The following PRKD1 variants were observed in gnomAD, a reference collection of about 807,000 sequenced individuals.
PRKD1 encodes serine/threonine-protein kinase D1.
PRKD1 carries 63 observed loss-of-function variants against 95.9 expected under a neutral mutation model. That is an observed-to-expected ratio of 0.66 (90% CI 0.54 to 0.81). The LOEUF (loss-of-function observed/expected upper bound fraction) is 0.81, where lower values mean the gene tolerates loss of function less well. Among genes scored for constraint, PRKD1 ranks in the 30% least tolerant of loss-of-function variants. PRKD1 has a pLI of 0.00. For missense variants in PRKD1, 1,048 were observed against 1,165.3 expected (o/e 0.90, Z 1.47); for synonymous variants, 425 against 423.1 (o/e 1.00, Z -0.05).
At chr14:29,875,655 T>G (rs1449616821) in intron 1 of PRKD1, among the ~76,000 whole-genome samples, 1 of 152,236 alleles carries the variant, frequency 6.6e-6, no homozygotes, top group Non-Finnish European at 1.5e-5. Flanking sequence ...CAATTTAGGT[T>G]TATTTTATTT....
At chr14:29,705,090 C>A (rs971366362) in intron 2 of PRKD1, among the ~76,000 whole-genome samples, 3 of 152,076 alleles carry the variant, frequency 2.0e-5, no homozygotes, top group African/African-American at 7.2e-5. Flanking sequence ...GGTACTATAG[C>A]CAAATCCTTT....
At chr14:29,690,659 G>A (rs548022913) in intron 2 of PRKD1, among the ~76,000 whole-genome samples, 1 of 152,028 alleles carries the variant, frequency 6.6e-6, no homozygotes, top group Non-Finnish European at 1.5e-5. Context: ...CATGGATAAC[G>A]GCATGACCCT....
intron 13 of PRKD1, among the ~76,000 whole-genome samples, chr14:29,621,194 G>T (rs1264507638): frequency 6.9e-6 from 1 of 144,040 alleles, no homozygotes. Flanking sequence ...GACTGTTGTG[G>T]GATGGGGGGA....
intron 4 of PRKD1, among the ~76,000 whole-genome samples, chr14:29,641,148 A>AT (rs1358944544): frequency 2.0e-5 from 3 of 152,238 alleles, no homozygotes; most frequent in Admixed American, 2.0e-4. Context: ...TACCACACAC[A>AT]TTTTCAGGCA....
chr14:29,669,724 T>A (rs1882730971), intron 2 of PRKD1, among the ~76,000 whole-genome samples: 1 of 151,974 alleles, frequency 6.6e-6, no homozygotes, highest in African/African-American at 2.4e-5. Flanking sequence ...AAAAATTAGC[T>A]GGGCATGGTG....
intron 1 of PRKD1, among the ~76,000 whole-genome samples, chr14:29,775,961 A>C (rs886624371): frequency 6.6e-6 from 1 of 152,106 alleles, no homozygotes; most frequent in Admixed American, 6.5e-5. Flanking sequence ...CAGAGGAACA[A>C]TCAGGCAGCA....
At chr14:29,643,264 T>C (rs932033413) in intron 4 of PRKD1, among the ~76,000 whole-genome samples, 1 of 151,692 alleles carries the variant, frequency 6.6e-6, no homozygotes, top group Non-Finnish European at 1.5e-5. Context: ...GTATTTTTTG[T>C]GTTAGAAGTG....
intron 1 of PRKD1, among the ~76,000 whole-genome samples, chr14:29,756,360 T>C (rs528976501): frequency 3.3e-5 from 5 of 152,312 alleles, no homozygotes; most frequent in South Asian, 4.1e-4. Context: ...AGTTCTTAAA[T>C]CAAAATTTAC....
intron 1 of PRKD1, among the ~76,000 whole-genome samples, chr14:29,914,564 T>C (rs10146807): frequency 0.024 from 3,594 of 151,972 alleles, 148 homozygotes; most frequent in African/African-American, 0.082. Context: ...TAAAACCCTA[T>C]CTCTACAAAA....
At chr14:29,679,036 T>G (rs1333169896) in intron 2 of PRKD1, among the ~76,000 whole-genome samples, 1 of 152,196 alleles carries the variant, frequency 6.6e-6, no homozygotes, top group Non-Finnish European at 1.5e-5. Context: ...TTGGACTCTT[T>G]TTAAGTATTT....
intron 1 of PRKD1, among the ~76,000 whole-genome samples, chr14:29,841,769 T>G (rs1891857094): frequency 6.6e-6 from 1 of 152,098 alleles, no homozygotes; most frequent in Non-Finnish European, 1.5e-5. Context: ...AATAATAAAT[T>G]AATCTTTCCT....
At chr14:29,581,102 A>G (rs1281769316) in intron 16 of PRKD1, among the ~76,000 whole-genome samples, 1 of 151,918 alleles carries the variant, frequency 6.6e-6, no homozygotes, top group African/African-American at 2.4e-5. Flanking sequence ...TATGTTTTAG[A>G]TGCAATGGAA....
intron 2 of PRKD1, among the ~76,000 whole-genome samples, chr14:29,708,563 G>GA (rs949785222): frequency 5.9e-5 from 9 of 151,948 alleles, no homozygotes; most frequent in African/African-American, 2.2e-4. Flanking sequence ...ATTTATTTAA[G>GA]AAAAAAAATC....
chr14:29,727,246 G>T (rs1463665210), intron 1 of PRKD1, among the ~76,000 whole-genome samples: 2 of 152,060 alleles, frequency 1.3e-5, no homozygotes, highest in East Asian at 3.9e-4. Flanking sequence ...TGATGGGGTT[G>T]TTTTTTTCTT....
At chr14:29,642,221 T>A (rs912310632) in intron 4 of PRKD1, among the ~76,000 whole-genome samples, 14 of 152,168 alleles carry the variant, frequency 9.2e-5, no homozygotes, top group Non-Finnish European at 2.1e-4. Context: ...GTATTTCTAA[T>A]GATGTGATCA....
chr14:29,593,174 AG>A (rs1893188671), intron 16 of PRKD1, among the ~76,000 whole-genome samples: 1 of 152,216 alleles, frequency 6.6e-6, no homozygotes. Context: ...GCCTGGCTAC[AG>A]GGCAAATACT....
At chr14:29,668,099 T>A (rs1882625313) in intron 2 of PRKD1, among the ~76,000 whole-genome samples, 1 of 151,986 alleles carries the variant, frequency 6.6e-6, no homozygotes, top group Non-Finnish European at 1.5e-5. Flanking sequence ...TGTGGTGAGG[T>A]TTTTACATCC....
chr14:29,672,440 CTT>C (rs1028990376), intron 2 of PRKD1, among the ~76,000 whole-genome samples: 2 of 151,958 alleles, frequency 1.3e-5, no homozygotes, highest in Non-Finnish European at 2.9e-5. Flanking sequence ...TATTTCCTCT[CTT>C]ATACTAAAAT....
intron 1 of PRKD1, among the ~76,000 whole-genome samples, chr14:29,918,411 C>T (rs896415894): frequency 1.3e-5 from 2 of 151,990 alleles, no homozygotes; most frequent in Non-Finnish European, 2.9e-5. Flanking sequence ...CCCAATGACA[C>T]CAAAAATATG....
Sources: allele counts gnomAD v4.1 joint callset (sites outside exome capture counted in the v4.1 genomes callset), GRCh38; gene constraint gnomAD v4.1.1; transcripts MANE v1.5; gene names NCBI Gene and HGNC (gene_info 2026-07-23, HGNC 2026-07-21).